The following TMEM74 variants were observed in gnomAD, a reference collection of about 807,000 sequenced individuals.
The protein encoded by TMEM74 is transmembrane protein 74.
A neutral mutation model predicts 18.1 loss-of-function variants in TMEM74; 13 were observed. The observed-to-expected ratio is 0.72, with a 90% CI of 0.47 to 1.14. TMEM74 has a LOEUF of 1.14. Among genes scored for constraint, TMEM74 ranks in the 50% most tolerant of loss-of-function variants. The pLI is 0.00. For synonymous variants in TMEM74, 159 were observed against 146.6 expected (o/e 1.08, Z -0.61); for missense variants, 372 against 375.9 (o/e 0.99, Z 0.09).
At chr8:108,671,746 T>C (rs1244701484) in intron 1 of TMEM74, among the ~76,000 whole-genome samples, 1 of 152,070 alleles carries the variant, frequency 6.6e-6, no homozygotes, top group Non-Finnish European at 1.5e-5. Flanking sequence ...ACAGCTCAAC[T>C]AGATTAAAAC....
At chr8:108,704,885 C>A (rs1031779285) in intron 1 of TMEM74, among the ~76,000 whole-genome samples, 1 of 152,210 alleles carries the variant, frequency 6.6e-6, no homozygotes, top group Non-Finnish European at 1.5e-5. Context: ...GCAAAGTTTT[C>A]TAACATGCCT....
intron 1 of TMEM74, among the ~76,000 whole-genome samples, chr8:108,662,224 A>G (rs569591373): frequency 2.0e-5 from 3 of 152,088 alleles, no homozygotes; most frequent in Admixed American, 1.3e-4. Flanking sequence ...AGACAAAGAG[A>G]GATGGAAAAA....
At chr8:108,746,713 C>A (rs1338652566) in intron 1 of TMEM74, among the ~76,000 whole-genome samples, 1 of 152,052 alleles carries the variant, frequency 6.6e-6, no homozygotes, top group Non-Finnish European at 1.5e-5. Context: ...AGGGTTGGAA[C>A]TTTCACCACT....
intron 1 of TMEM74, among the ~76,000 whole-genome samples, chr8:108,656,125 G>A (rs372163646): frequency 1.3e-5 from 2 of 152,238 alleles, no homozygotes; most frequent in South Asian, 4.1e-4. Flanking sequence ...CCCAGGAGAG[G>A]CAGACTAATT....
At chr8:108,675,058 T>A (rs1586256315) in intron 1 of TMEM74, among the ~76,000 whole-genome samples, 1 of 152,182 alleles carries the variant, frequency 6.6e-6, no homozygotes, top group East Asian at 1.9e-4. Flanking sequence ...AGTTGGTGTA[T>A]ATATACCCCA....
chr8:108,765,226 A>G (rs1330964838), intron 1 of TMEM74, among the ~76,000 whole-genome samples: 1 of 152,100 alleles, frequency 6.6e-6, no homozygotes, highest in African/African-American at 2.4e-5. Context: ...CTGAGAAAAG[A>G]GGTTCAGGTC....
chr8:108,689,243 A>G (rs913756151), intron 1 of TMEM74, among the ~76,000 whole-genome samples: 2 of 152,246 alleles, frequency 1.3e-5, no homozygotes, highest in African/African-American at 4.8e-5. Context: ...ATATATATCA[A>G]GAAATGCGGA....
At chr8:108,641,910 C>T (rs1470165315) in intron 2 of TMEM74, among the ~76,000 whole-genome samples, 1 of 152,002 alleles carries the variant, frequency 6.6e-6, no homozygotes, top group Non-Finnish European at 1.5e-5. Flanking sequence ...GAGCACTGAA[C>T]TGCTCTCAGG....
chr8:108,749,443 T>C (rs1457160546), intron 1 of TMEM74, among the ~76,000 whole-genome samples: 1 of 152,196 alleles, frequency 6.6e-6, no homozygotes, highest in Non-Finnish European at 1.5e-5. Flanking sequence ...ATGATTTGGC[T>C]CTTGCCTTGA....
At chr8:108,631,653 C>T (rs976614345) in intron 2 of TMEM74, among the ~76,000 whole-genome samples, 3 of 151,984 alleles carry the variant, frequency 2.0e-5, no homozygotes, top group African/African-American at 7.2e-5. Flanking sequence ...AACACTTCTG[C>T]CCGTTCTGTA....
chr8:108,631,521 G>A (rs1812552299), intron 2 of TMEM74, among the ~76,000 whole-genome samples: 1 of 152,002 alleles, frequency 6.6e-6, no homozygotes, highest in Non-Finnish European at 1.5e-5. Flanking sequence ...CTTGTATTTG[G>A]TTTGAGACTA....
chr8:108,758,849 G>A (rs188617747), intron 1 of TMEM74, among the ~76,000 whole-genome samples: 92 of 152,096 alleles, frequency 6.0e-4, no homozygotes, highest in Middle Eastern at 3.4e-3. Flanking sequence ...TGGGTACTGC[G>A]TACTATATAT....
chr8:108,774,229 T>C (rs1814203957), downstream of TMEM74, among the ~76,000 whole-genome samples: 2 of 152,222 alleles, frequency 1.3e-5, no homozygotes, highest in South Asian at 4.1e-4. Flanking sequence ...TTCTCCCAGA[T>C]ATACTGCTGG....
intron 1 of TMEM74, among the ~76,000 whole-genome samples, chr8:108,709,708 A>C (rs527624786): frequency 1.3e-5 from 2 of 152,110 alleles, no homozygotes; most frequent in African/African-American, 2.4e-5. Context: ...AAACAAAATC[A>C]AACAAAAATA....
At chr8:108,661,585 G>T (rs1812900513) in intron 1 of TMEM74, among the ~76,000 whole-genome samples, 1 of 151,928 alleles carries the variant, frequency 6.6e-6, no homozygotes, top group African/African-American at 2.4e-5. Context: ...GCTTGAACCA[G>T]GCACTGAAAG....
chr8:108,678,020 T>G (rs1586257322), intron 1 of TMEM74, among the ~76,000 whole-genome samples: 1 of 152,242 alleles, frequency 6.6e-6, no homozygotes, highest in South Asian at 2.1e-4. Flanking sequence ...ACCATGGCCA[T>G]GTGTAGATTT....
intron 1 of TMEM74, among the ~76,000 whole-genome samples, chr8:108,699,183 T>TCCTTCCTTCCTTTCTTCCTC (rs1316107934): frequency 0.013 from 903 of 70,470 alleles, 12 homozygotes; most frequent in Middle Eastern, 0.069. Context: ...CTTCCTTCCT[T>TCCTTCCTTCCTTTCTTCCTC]CCTCCCTCCC....
rs373135230 is a variant in TMEM74, at chr8:108,644,123, G to A, written n.264+11170C>T. On this transcript the variant is annotated intron_variant and non_coding_transcript_variant, in intron 2 of 3. Transcript: ENST00000518838. Reference sequence around the variant, plus strand: ...ACTGTAACATAAGACTACAGTAACCGAAACAGTACCGTATTGGTATAAAAA... The same window carrying A: ...ACTGTAACATAAGACTACAGTAACCAAAACAGTACCGTATTGGTATAAAAA... 3.2e-4 allele frequency among the ~76,000 whole-genome samples: 48 copies of A among 152,180 alleles called. No individual in the cohort carries two copies. In the East Asian group the frequency reaches 3.9e-3, roughly 12 times the overall value.
rs79523642 is a variant in TMEM74, at chr8:108,706,392, T to C, written n.120-50955A>G. Among the ~76,000 whole-genome samples the C allele has an allele frequency of 7.8e-3, 1,181 of 152,314 alleles. 21 individuals carry two copies. Among genetic ancestry groups the C allele is most frequent in the East Asian group, 0.06 (312 of 5,178 alleles). ...ACTAGGCATGCTTCCTCATAGGGTCTTTGAACTTATGATGTATCTATAATA... is the reference window on the plus strand; with the variant it reads ...ACTAGGCATGCTTCCTCATAGGGTCCTTGAACTTATGATGTATCTATAATA... On this transcript the variant is annotated intron_variant and non_coding_transcript_variant, in intron 1 of 3. Coordinates refer to the TMEM74 transcript ENST00000518838.
Sources: allele counts gnomAD v4.1 joint callset (sites outside exome capture counted in the v4.1 genomes callset), GRCh38; gene constraint gnomAD v4.1.1; transcripts MANE v1.5; gene names NCBI Gene and HGNC (gene_info 2026-07-23, HGNC 2026-07-21).